Variants in PCDH15 observed in about 807,000 individuals in gnomAD.
PCDH15 encodes protocadherin-15.
In PCDH15, 129 loss-of-function variants were observed where a neutral mutation model predicts 178.5. That is an observed-to-expected ratio of 0.72 (90% CI 0.63 to 0.84). The LOEUF (loss-of-function observed/expected upper bound fraction) is 0.84, where lower values mean the gene tolerates loss of function less well. Among genes scored for constraint, PCDH15 ranks in the 40% least tolerant of loss-of-function variants. The pLI, the probability that PCDH15 is intolerant of heterozygous loss-of-function variation, is 0.00. For synonymous variants in PCDH15, 800 were observed against 732.0 expected, an observed-to-expected ratio of 1.09 and a Z score of -1.50; for missense variants, 2,230 against 2,099.9, an observed-to-expected ratio of 1.06 and a Z score of -1.21.
rs185270846 is a variant in PCDH15 at position 54,436,352 on chromosome 10, G to A, written c.158-57410C>T. On this transcript the variant is annotated intron_variant, in intron 3 of 37. Transcript: ENST00000644397. ...AGTTAGATATTATAACAAAAGATAA[G>A]TCAGTGACCTTAATATGCAATGTGT... Among the ~76,000 whole-genome samples, 7 of 152,048 alleles carry A rather than the reference G, an allele frequency of 4.6e-5. No homozygotes were observed. In the East Asian group the frequency reaches 1.2e-3, roughly 25 times the overall value.
intron 18 of PCDH15, among the ~76,000 whole-genome samples, chr10:54,061,470 T>A (rs578204928): frequency 6.6e-6 from 1 of 152,330 alleles, no homozygotes; most frequent in African/African-American, 2.4e-5. Flanking sequence ...CTCAAATTGC[T>A]TCTTCAGCTG....
intron 2 of PCDH15, among the ~76,000 whole-genome samples, chr10:55,338,350 T>C (rs752522565): frequency 4.6e-5 from 7 of 152,232 alleles, no homozygotes; most frequent in African/African-American, 1.7e-4. Context: ...TGCACTCCTA[T>C]GCTTATTGTA....
rs2090745890 is a variant in PCDH15, at chr10:53,982,583, C to T, written c.2868+13066G>A. On this transcript the variant is annotated intron_variant, in intron 21 of 37. Transcript: ENST00000644397. ...ACTATCACAAGGACAAAAAACCAAACACCGCATGTTCTCACTCATAGGTGG... is the reference window on the plus strand; with the variant it reads ...ACTATCACAAGGACAAAAAACCAAATACCGCATGTTCTCACTCATAGGTGG... Among the ~76,000 whole-genome samples the T allele has an allele frequency of 2.0e-5, 3 of 148,442 alleles. No individual in the cohort carries two copies. The Admixed American group carries it at 2.1e-4, about 10-fold the overall frequency.
chr10:54,336,127 A>G (rs1270126339), intron 6 of PCDH15, among the ~76,000 whole-genome samples: 2 of 152,208 alleles, frequency 1.3e-5, no homozygotes, highest in South Asian at 2.1e-4. Context: ...ATTTGGTGAC[A>G]TAAGTTTCTA....
At chr10:54,851,482 C>T (rs111284701) in intron 3 of PCDH15, among the ~76,000 whole-genome samples, 2,690 of 152,196 alleles carry the variant, frequency 0.018, 84 homozygotes, top group African/African-American at 0.06. Context: ...AAACTGTCTT[C>T]AGAGATTATT....
intron 2 of PCDH15, among the ~76,000 whole-genome samples, chr10:55,580,327 G>T (rs1047887900): frequency 1.3e-5 from 2 of 150,974 alleles, no homozygotes; most frequent in African/African-American, 2.4e-5. Context: ...TAAATATATG[G>T]CTATATGGCT....
intron 13 of PCDH15, among the ~76,000 whole-genome samples, chr10:54,175,508 C>A (rs2047349500): frequency 6.6e-6 from 1 of 152,090 alleles, no homozygotes; most frequent in African/African-American, 2.4e-5. Context: ...TAGCAAGTTA[C>A]CACATGCAGC....
At chr10:54,608,118 T>C in intron 2 of PCDH15, among the ~76,000 whole-genome samples, 1 of 151,848 alleles carries the variant, frequency 6.6e-6, no homozygotes, top group East Asian at 1.9e-4. Flanking sequence ...GGCATAGCCC[T>C]GAGGGGATTT....
intron 2 of PCDH15, among the ~76,000 whole-genome samples, chr10:54,962,723 G>C (rs1838687501): frequency 6.6e-6 from 1 of 152,296 alleles, no homozygotes; most frequent in South Asian, 2.1e-4. Context: ...ACTGTGGCTG[G>C]ACTCCTTGCT....
At chr10:54,237,602 A>G (rs889282342) in intron 8 of PCDH15, among the ~76,000 whole-genome samples, 15 of 152,168 alleles carry the variant, frequency 9.9e-5, no homozygotes, top group Non-Finnish European at 2.1e-4. Flanking sequence ...GAACCAGATA[A>G]TAACTATCTT....
At chr10:55,014,676 G>A (rs1246079576) in intron 2 of PCDH15, among the ~76,000 whole-genome samples, 1 of 152,032 alleles carries the variant, frequency 6.6e-6, no homozygotes, top group Non-Finnish European at 1.5e-5. Flanking sequence ...GAATAACAAA[G>A]AAATCAGCAT....
intron 1 of PCDH15, among the ~76,000 whole-genome samples, chr10:54,766,342 T>G (rs1689933179): frequency 6.6e-6 from 1 of 152,130 alleles, no homozygotes; most frequent in Non-Finnish European, 1.5e-5. Flanking sequence ...TGAAAAAATT[T>G]TACACTTTTA....
Position 53,970,345 on chromosome 10 carries a change from C to T in PCDH15, c.2869-8453G>A, listed in dbSNP as rs2089542797. Among the ~76,000 whole-genome samples the T allele has an allele frequency of 4.6e-5, 7 of 152,222 alleles. No individual in the cohort carries two copies. The South Asian group carries it at 1.5e-3, about 32-fold the overall frequency. On this transcript the variant is annotated intron_variant, in intron 21 of 37. Coordinates refer to ENST00000644397, the MANE Select transcript of PCDH15 (RefSeq NM_001384140.1). ...TATATATGCACCCAATACAGGAGCA[C>T]CCAGATTCATAAAGCAAGTCCTTGG...
intron 2 of PCDH15, among the ~76,000 whole-genome samples, chr10:54,940,291 T>C (rs1838028919): frequency 6.6e-6 from 1 of 152,150 alleles, no homozygotes; most frequent in Admixed American, 6.5e-5. Context: ...CTTTGGTCCA[T>C]TGATTGTTAA....
chr10:53,950,286 C>T (rs1488081520), intron 23 of PCDH15, among the ~76,000 whole-genome samples: 3 of 151,750 alleles, frequency 2.0e-5, no homozygotes, highest in African/African-American at 4.8e-5. Flanking sequence ...GATATTTGCC[C>T]TTATTTTATT....
intron 5 of PCDH15, among the ~76,000 whole-genome samples, chr10:54,348,140 G>C (rs1043387527): frequency 6.6e-6 from 1 of 152,040 alleles, no homozygotes; most frequent in African/African-American, 2.4e-5. Context: ...GAGCCACCGC[G>C]CCCGGCTGAC....
At chr10:54,252,013 T>C (rs953067280) in intron 8 of PCDH15, among the ~76,000 whole-genome samples, 10 of 152,180 alleles carry the variant, frequency 6.6e-5, no homozygotes, top group Admixed American at 5.9e-4. Context: ...TCTAATGTTG[T>C]GGAATCTTTC....
At chr10:55,582,395 A>C (rs1207745689) in intron 2 of PCDH15, among the ~76,000 whole-genome samples, 2 of 152,002 alleles carry the variant, frequency 1.3e-5, no homozygotes, top group African/African-American at 4.8e-5. Context: ...CTTGAGTTAT[A>C]AAAGAAAGGT....
chr10:55,210,225 A>G (rs1418028248), intron 1 of PCDH15, among the ~76,000 whole-genome samples: 2 of 152,102 alleles, frequency 1.3e-5, no homozygotes, highest in African/African-American at 2.4e-5. Flanking sequence ...ATGCCACATT[A>G]TACTATAGAG....
Sources: allele counts gnomAD v4.1 joint callset (sites outside exome capture counted in the v4.1 genomes callset), GRCh38; gene constraint gnomAD v4.1.1; transcripts MANE v1.5; gene names NCBI Gene and HGNC (gene_info 2026-07-23, HGNC 2026-07-21).